The following UPF3B variants were observed in gnomAD, a reference collection of about 807,000 sequenced individuals.
The protein encoded by UPF3B is regulator of nonsense transcripts 3B.
In UPF3B, 7 loss-of-function variants were observed where a neutral mutation model predicts 40.3. The ratio of observed to expected loss-of-function variants is 0.17; its 90% CI spans 0.10 to 0.33. The LOEUF is 0.33. Among genes scored for constraint, UPF3B ranks in the 10% least tolerant of loss-of-function variants. The pLI is 1.00. For missense variants in UPF3B, 229 were observed against 358.9 expected, an observed-to-expected ratio of 0.64 and a Z score of 2.93; for synonymous variants, 117 against 117.3, an observed-to-expected ratio of 1.00 and a Z score of 0.01.
At chrX:119,836,800 G>A (rs7889349) in intron 10 of UPF3B, among the ~76,000 whole-genome samples, 5,708 of 107,755 alleles carry the variant, frequency 0.053, 348 homozygotes, top group African/African-American at 0.18. Context: ...ACAGGCGCCC[G>A]CCACCACGCC....
Position 119,827,630 on chromosome X carries a change from C to G in UPF3B, c.392+4022G>C, listed in dbSNP as rs184286350. ...CAGGATAGTCTCGGTCTTTTGACCT[C>G]GTGATCTGCATGCCTCGGCCTCCCA... On this transcript the variant is annotated intron_variant, in intron 3 of 6. Coordinates refer to the UPF3B transcript ENST00000636792. Among the ~76,000 whole-genome samples the G allele has an allele frequency of 5.9e-3, 662 of 111,877 alleles. 3 individuals carry two copies. The highest frequency in any genetic ancestry group is 9.5e-3 in the Non-Finnish European group (506 of 53,155).
At chrX:119,816,580 C>G (rs1223377724) in intron 4 of UPF3B, among the ~76,000 whole-genome samples, 1 of 111,070 alleles carries the variant, frequency 9.0e-6, no homozygotes, top group East Asian at 2.8e-4. Context: ...GCAAGTAGAA[C>G]AGAAGAGGGA....
chrX:119,823,244 T>G (rs2496201), intron 3 of UPF3B, among the ~76,000 whole-genome samples: 1 of 110,177 alleles, frequency 9.1e-6, no homozygotes, highest in African/African-American at 3.3e-5. Flanking sequence ...TTATTATTTT[T>G]TATGTCTGGT....
At chrX:119,827,677 G>A (rs936862528) in intron 3 of UPF3B, among the ~76,000 whole-genome samples, 5 of 111,541 alleles carry the variant, frequency 4.5e-5, no homozygotes, top group Non-Finnish European at 7.5e-5. Context: ...TTGTAGGCGC[G>A]AGCTACCGCG....
At chrX:119,810,943 A>G (rs1248041121) in intron 5 of UPF3B, among the ~76,000 whole-genome samples, 1 of 111,557 alleles carries the variant, frequency 9.0e-6, no homozygotes, top group East Asian at 2.8e-4. Context: ...TAAATAAATA[A>G]ATGGCTAATA....
chrX:119,847,611 T>C (rs1414862629), intron 3 of UPF3B, among the ~76,000 whole-genome samples: 1 of 104,545 alleles, frequency 9.6e-6, no homozygotes, highest in East Asian at 3.1e-4. Context: ...ACCACAAACA[T>C]AAAAAATTAG....
chrX:119,815,000 G>A (rs1300480227), intron 5 of UPF3B, among the ~76,000 whole-genome samples: 1 of 108,095 alleles, frequency 9.3e-6, no homozygotes, highest in East Asian at 2.9e-4. Flanking sequence ...CGAGTACCTG[G>A]GACTACAGGC....
intron 6 of UPF3B, among the ~76,000 whole-genome samples, chrX:119,806,551 G>C (rs756176462): frequency 8.9e-6 from 1 of 111,808 alleles, no homozygotes; most frequent in Admixed American, 9.6e-5. Flanking sequence ...GCTCATGTAA[G>C]CAAACAAAAA....
At position 119,848,502 on chromosome X, in the gene UPF3B, G is replaced by A. The variant is rs191802326; in HGVS notation, c.370+2993C>T. Reference sequence around the variant, plus strand: ...TAAGGAGTTGTTTAATGGGTAAAGAGTTTCAGTTTTTCAAGATGAAAAAGT... The same window carrying A: ...TAAGGAGTTGTTTAATGGGTAAAGAATTTCAGTTTTTCAAGATGAAAAAGT... On this transcript the variant is annotated intron_variant, in intron 3 of 10. Coordinates refer to ENST00000276201, the MANE Select transcript of UPF3B (RefSeq NM_080632.3). Among the ~76,000 whole-genome samples the A allele has an allele frequency of 3.2e-3, 357 of 110,283 alleles. 3 individuals carry two copies. Among genetic ancestry groups the A allele is most frequent in the Non-Finnish European group, 5.2e-3 (275 of 52,841 alleles).
At chrX:119,843,536 T>C (rs1371226706) in intron 4 of UPF3B, among the ~76,000 whole-genome samples, 3 of 111,697 alleles carry the variant, frequency 2.7e-5, no homozygotes, top group Non-Finnish European at 3.8e-5. Flanking sequence ...TCAGGAAAAA[T>C]GAGACGCCAT....
chrX:119,839,518 C>T (rs1341439504), intron 8 of UPF3B, among the ~76,000 whole-genome samples: 2 of 112,249 alleles, frequency 1.8e-5, no homozygotes, highest in Non-Finnish European at 3.8e-5. Context: ...CTCGAGAATA[C>T]CTCCAAGTGT....
chrX:119,826,169 A>G (rs1388216119), intron 3 of UPF3B, among the ~76,000 whole-genome samples: 1 of 107,056 alleles, frequency 9.3e-6, no homozygotes, highest in Non-Finnish European at 1.9e-5. Flanking sequence ...TCAAAAAAAG[A>G]AAAGGACCAA....
At chrX:119,842,697 C>A (rs2056182513) in intron 5 of UPF3B, among the ~76,000 whole-genome samples, 1 of 110,081 alleles carries the variant, frequency 9.1e-6, no homozygotes, top group Non-Finnish European at 1.9e-5. Flanking sequence ...CCACATATTC[C>A]TTAGGATAAA....
intron 4 of UPF3B, among the ~76,000 whole-genome samples, chrX:119,816,275 T>G (rs2055864512): frequency 1.8e-5 from 2 of 111,495 alleles, no homozygotes; most frequent in Admixed American, 9.6e-5. Context: ...CCAATTGATC[T>G]GCTTGAGGGA....
chrX:119,807,847 G>C (rs2055804532), intron 5 of UPF3B, among the ~76,000 whole-genome samples: 1 of 110,907 alleles, frequency 9.0e-6, no homozygotes, highest in African/African-American at 3.3e-5. Flanking sequence ...AGGCTGAAGT[G>C]CAAGTGGCAC....
At chrX:119,815,804 G>A (rs779580211) in intron 4 of UPF3B, among the ~76,000 whole-genome samples, 5 of 111,886 alleles carry the variant, frequency 4.5e-5, no homozygotes, top group South Asian at 3.7e-4. Context: ...CTGCATAGAC[G>A]AAGTTTCGCT....
At chrX:119,852,251 T>C (rs867578783) in intron 1 of UPF3B, among the ~76,000 whole-genome samples, 2 of 111,511 alleles carry the variant, frequency 1.8e-5, no homozygotes, top group Non-Finnish European at 1.9e-5. Context: ...GCAACAAGTT[T>C]CTCCCACGTC....
intron 4 of UPF3B, among the ~76,000 whole-genome samples, chrX:119,817,287 C>T (rs2055873692): frequency 8.9e-6 from 1 of 112,145 alleles, no homozygotes; most frequent in African/African-American, 3.2e-5. Context: ...AATTGACTCA[C>T]AGTTCCACAT....
chrX:119,852,789 T>G lies in UPF3B; in HGVS notation c.140A>C (p.Lys47Thr). ...EDKQDRNKEK[K>T]EALSKVVIRR... ...ACCGGGCACCTTGCTCAGCGCTTCT[T>G]TCTTCTCCTTGTTGCGATCCTGCTT... The change falls in exon 1 of 11, where the codon AAA becomes ACA. Residue 47 changes from lysine (K) to threonine (T), a missense_variant. Lys to Thr is a moderately conservative substitution (Grantham distance 78). This residue lies in a region of UPF3B where 87 missense variants were observed against 184.2 expected (regional missense o/e 0.47). Coordinates refer to ENST00000276201, the MANE Select transcript of UPF3B (RefSeq NM_080632.3). The G allele has an allele frequency of 8.2e-7, 1 of 1,212,307 alleles. No individual in the cohort carries two copies. The highest frequency in any genetic ancestry group is 1.1e-6 in the Non-Finnish European group (1 of 895,626).
Sources: gnomAD v4.1 joint callset for allele counts (sites outside exome capture counted in the v4.1 genomes callset) on GRCh38, gnomAD v4.1.1 for gene constraint, gnomAD v4.1.1 regional missense constraint, MANE v1.5 for transcripts, NCBI Gene and HGNC (gene_info 2026-07-23, HGNC 2026-07-21) for gene names.